NRP2: variants seen among roughly 807,000 people sequenced by gnomAD.
NRP2 encodes the protein neuropilin 2.
NRP2 carries 52 observed loss-of-function variants against 110.4 expected under a neutral mutation model. The observed-to-expected ratio is 0.47, with a 90% CI of 0.38 to 0.59. The LOEUF (loss-of-function observed/expected upper bound fraction) is 0.59. Ranked by LOEUF, NRP2 falls within the 20% of genes least tolerant of loss-of-function variation. The pLI is 0.00. For missense variants in NRP2, 1,049 were observed against 1,203.0 expected, an observed-to-expected ratio of 0.87 and a Z score of 1.89; for synonymous variants, 508 against 468.9, an observed-to-expected ratio of 1.08 and a Z score of -1.08.
intron 1 of NRP2, among the ~76,000 whole-genome samples, chr2:205,690,995 G>C (rs915628518): frequency 6.6e-6 from 1 of 152,086 alleles, no homozygotes; most frequent in Non-Finnish European, 1.5e-5. Context: ...GGGAAGCGCA[G>C]TAGCTGTGGC....
chr2:205,701,037 C>G (rs752682460), intron 2 of NRP2: 18 of 204,990 alleles, frequency 8.8e-5, no homozygotes, highest in Non-Finnish European at 1.6e-4. Context: ...AGGCCTTTCG[C>G]TTGAGTCATC....
intron 7 of NRP2, among the ~76,000 whole-genome samples, chr2:205,733,648 G>C (rs1204343240): frequency 1.3e-5 from 2 of 152,088 alleles, no homozygotes; most frequent in Non-Finnish European, 2.9e-5. Context: ...GTGTTAGGAG[G>C]TTTCCAGGGG....
In NRP2 at chr2:205,795,602, A is replaced by C. The variant is rs544472417; in HGVS notation, c.*544A>C. The C allele has an allele frequency of 3.3e-5, 5 of 152,788 alleles. 1 individual carries two copies. The highest frequency in any genetic ancestry group is 2.6e-4 in the Admixed American group (4 of 15,300). The allele number at this position is 152,788 out of a possible 1,614,324, so 9.5% of individuals were successfully genotyped here. A position where few individuals can be genotyped will look rare whatever the true frequency, so the allele number is the denominator to read the frequency against. ...CCATCCTCTGATTGTCTTCTGACTTAAGGGATTTACTGTGGTGTAGGTTCT... is the reference window on the plus strand; with the variant it reads ...CCATCCTCTGATTGTCTTCTGACTTCAGGGATTTACTGTGGTGTAGGTTCT... On this transcript the variant is annotated 3_prime_UTR_variant, in exon 17 of 17. Coordinates refer to ENST00000357785, the MANE Select transcript of NRP2 (RefSeq NM_003872.3).
intron 15 of NRP2, chr2:205,776,339 G>A (rs1452422401): frequency 1.2e-6 from 2 of 1,612,886 alleles, no homozygotes; most frequent in African/African-American, 1.3e-5. Context: ...GCCGCCGGGG[G>A]CGCCGTGCTG....
At chr2:205,766,389 G>T (rs1307007994) in intron 14 of NRP2, among the ~76,000 whole-genome samples, 1 of 152,196 alleles carries the variant, frequency 6.6e-6, no homozygotes, top group Non-Finnish European at 1.5e-5. Flanking sequence ...CCCCTGGTGT[G>T]TGTGTGCTTG....
intron 2 of NRP2, among the ~76,000 whole-genome samples, chr2:205,715,787 G>A (rs2056883200): frequency 6.6e-6 from 1 of 152,118 alleles, no homozygotes; most frequent in Non-Finnish European, 1.5e-5. Context: ...TCATCTTACA[G>A]ATGAAGAAAT....
intron 15 of NRP2, among the ~76,000 whole-genome samples, chr2:205,791,265 A>C (rs2058298780): frequency 6.6e-6 from 1 of 152,210 alleles, no homozygotes; most frequent in African/African-American, 2.4e-5. Context: ...AGTGACTTCA[A>C]GATTGTTTAT....
At chr2:205,781,326 A>G (rs1215271804) in intron 15 of NRP2, among the ~76,000 whole-genome samples, 3 of 152,364 alleles carry the variant, frequency 2.0e-5, no homozygotes, top group African/African-American at 4.8e-5. Flanking sequence ...CCAAGCATAA[A>G]TGTTCAGAAA....
At chr2:205,697,068 C>T (rs965826436) in intron 1 of NRP2, among the ~76,000 whole-genome samples, 1 of 152,096 alleles carries the variant, frequency 6.6e-6, no homozygotes, top group Non-Finnish European at 1.5e-5. Flanking sequence ...CACCACAAAA[C>T]CACCATTGTC....
chr2:205,706,740 G>A (rs977437505), intron 2 of NRP2, among the ~76,000 whole-genome samples: 1 of 152,186 alleles, frequency 6.6e-6, no homozygotes, highest in Non-Finnish European at 1.5e-5. Flanking sequence ...AGGGCAGGCT[G>A]CTGGGTTAAA....
At chr2:205,743,961 C>G (rs2057492432) in intron 9 of NRP2, among the ~76,000 whole-genome samples, 1 of 152,172 alleles carries the variant, frequency 6.6e-6, no homozygotes, top group South Asian at 2.1e-4. Context: ...TCAGGCTGGT[C>G]TCGAACTCCT....
chr2:205,729,205 G>A (rs1037010201), intron 7 of NRP2, among the ~76,000 whole-genome samples: 14 of 152,300 alleles, frequency 9.2e-5, no homozygotes, highest in Non-Finnish European at 1.5e-4. Context: ...AAAAGGAGTA[G>A]ATTTTTAAAA....
chr2:205,753,298 C>T lies in NRP2; in HGVS notation c.2044+323C>T, dbSNP rs563954576. On this transcript the variant is annotated intron_variant, in intron 12 of 16. Coordinates refer to ENST00000357785, the MANE Select transcript of NRP2 (RefSeq NM_003872.3). Reference sequence around the variant, plus strand: ...GCACGAGTCAGTGTCCTCTTGTTCCCATAGCCAGCACCCACTGCTATTATC... The same window carrying T: ...GCACGAGTCAGTGTCCTCTTGTTCCTATAGCCAGCACCCACTGCTATTATC... Among the ~76,000 whole-genome samples, 290 of 152,318 alleles carry T rather than the reference C, an allele frequency of 1.9e-3. 3 individuals are homozygous for T. Among genetic ancestry groups the T allele is most frequent in the African/African-American group, 6.2e-3 (258 of 41,564 alleles).
At chr2:205,766,479 T>C (rs1033699793) in intron 14 of NRP2, among the ~76,000 whole-genome samples, 51 of 152,174 alleles carry the variant, frequency 3.4e-4, no homozygotes, top group Admixed American at 1.9e-3. Flanking sequence ...TAATCCAGGC[T>C]CTGAGAAAGT....
chr2:205,741,424 G>A (rs962545088), intron 8 of NRP2, among the ~76,000 whole-genome samples: 9 of 152,180 alleles, frequency 5.9e-5, no homozygotes, highest in African/African-American at 1.7e-4. Context: ...TCAATGGCAC[G>A]GTGGCAAGAG....
chr2:205,764,752 C>CACAGGGA (rs767742156), intron 13 of NRP2, among the ~76,000 whole-genome samples: 4 of 152,154 alleles, frequency 2.6e-5, no homozygotes, highest in Non-Finnish European at 4.4e-5. Context: ...AGTCCCTGTC[C>CACAGGGA]CTTGAGGTTG....
Position 205,735,073 on chromosome 2 carries a change from C to T in NRP2, c.1147-5446C>T, listed in dbSNP as rs989707455. Among the ~76,000 whole-genome samples, 7 of 152,290 alleles carry T rather than the reference C, an allele frequency of 4.6e-5. No individual in the cohort carries two copies. In the East Asian group the frequency reaches 1.2e-3, roughly 25 times the overall value. ...GCCTCATTTGGGAAGGGTGAAACAG[C>T]CAGCCGTGTCTCTCCTCCAAGGAGC... is the stretch of plus-strand genomic sequence containing the variant. On this transcript the variant is annotated intron_variant, in intron 7 of 16. Coordinates refer to ENST00000357785, the MANE Select transcript of NRP2 (RefSeq NM_003872.3).
intron 7 of NRP2, among the ~76,000 whole-genome samples, chr2:205,737,678 G>A (rs1055354297): frequency 5.3e-5 from 8 of 152,242 alleles, no homozygotes; most frequent in Non-Finnish European, 1.0e-4. Context: ...GCTTGGAAAC[G>A]TGAAGGGTAA....
At chr2:205,685,581 G>T (rs952565682) in intron 1 of NRP2, among the ~76,000 whole-genome samples, 1 of 152,222 alleles carries the variant, frequency 6.6e-6, no homozygotes, top group African/African-American at 2.4e-5. Context: ...GGCACCTTGG[G>T]CTGGCGCGTG....
Sources: allele counts gnomAD v4.1 joint callset (sites outside exome capture counted in the v4.1 genomes callset), GRCh38; gene constraint gnomAD v4.1.1; transcripts MANE v1.5; gene names NCBI Gene and HGNC (gene_info 2026-07-23, HGNC 2026-07-21).